Variants in C12orf54 observed in about 807,000 individuals in gnomAD.
C12orf54 encodes the protein uncharacterized protein C12orf54.
C12orf54 carries 24 observed loss-of-function variants against 26.4 expected under a neutral mutation model. The observed-to-expected ratio is 0.91, with a 90% CI of 0.66 to 1.28. C12orf54 has a LOEUF of 1.28. Ranked by LOEUF, C12orf54 falls within the 50% of genes most tolerant of loss-of-function variation. The pLI, the probability that C12orf54 is intolerant of heterozygous loss-of-function variation, is 0.00. For synonymous variants in C12orf54, 54 were observed against 47.0 expected, an observed-to-expected ratio of 1.15 and a Z score of -0.61; for missense variants, 154 against 150.9, an observed-to-expected ratio of 1.02 and a Z score of -0.11.
chr12:48,459,372 C>T, the C12orf54 span, among the ~76,000 whole-genome samples: 3 of 151,230 alleles, frequency 2.0e-5, no homozygotes, highest in Non-Finnish European at 2.9e-5. Flanking sequence ...AAGTGAGTGG[C>T]GGTGATGTGT....
chr12:48,448,823 C>A, the C12orf54 span, among the ~76,000 whole-genome samples: 2 of 152,130 alleles, frequency 1.3e-5, no homozygotes, highest in Non-Finnish European at 2.9e-5. Flanking sequence ...TATAAGTGAC[C>A]ATGGCCCATG....
At chr12:48,449,799 G>C in the C12orf54 span, among the ~76,000 whole-genome samples, 7 of 152,008 alleles carry the variant, frequency 4.6e-5, no homozygotes, top group African/African-American at 9.7e-5. Flanking sequence ...TGATTTGGCT[G>C]TGTCCCCACC....
chr12:48,417,244 C>T, the C12orf54 span: 1 of 152,292 alleles, frequency 6.6e-6, no homozygotes, highest in Non-Finnish European at 1.5e-5. Context: ...GAAGTAAACT[C>T]CCAGGAACAG....
chr12:48,456,250 A>G, the C12orf54 span, among the ~76,000 whole-genome samples: 1 of 152,188 alleles, frequency 6.6e-6, no homozygotes, highest in African/African-American at 2.4e-5. Flanking sequence ...AGACACTCAC[A>G]CTGTAATGAG....
intron 2 of C12orf54, among the ~76,000 whole-genome samples, chr12:48,485,878 A>T (rs1315366871): frequency 6.6e-6 from 1 of 152,216 alleles, no homozygotes; most frequent in Non-Finnish European, 1.5e-5. Flanking sequence ...GACATAAATT[A>T]GGCAGGCAGG....
the C12orf54 span, among the ~76,000 whole-genome samples, chr12:48,475,212 A>G: frequency 6.6e-6 from 1 of 152,278 alleles, no homozygotes; most frequent in Non-Finnish European, 1.5e-5. Flanking sequence ...AAAACTAACA[A>G]AGAGAAAGGA....
chr12:48,433,361 C>A, the C12orf54 span, among the ~76,000 whole-genome samples: 1 of 151,840 alleles, frequency 6.6e-6, no homozygotes, highest in Non-Finnish European at 1.5e-5. Context: ...GCAGTGGGAT[C>A]CCTCTGGTGA....
chr12:48,427,122 G>A, the C12orf54 span, among the ~76,000 whole-genome samples: 1 of 152,142 alleles, frequency 6.6e-6, no homozygotes, highest in Non-Finnish European at 1.5e-5. Context: ...ATGTTGAATA[G>A]GAGTGGTGAG....
At chr12:48,466,743 T>C in the C12orf54 span, among the ~76,000 whole-genome samples, 1 of 152,086 alleles carries the variant, frequency 6.6e-6, no homozygotes, top group Non-Finnish European at 1.5e-5. Flanking sequence ...GAATGTAAAA[T>C]GGTACTGCAA....
the C12orf54 span, among the ~76,000 whole-genome samples, chr12:48,419,369 G>A: frequency 6.6e-6 from 1 of 152,166 alleles, no homozygotes; most frequent in African/African-American, 2.4e-5. Flanking sequence ...AAAATGGCAT[G>A]TAACATCTCT....
chr12:48,476,204 T>C, the C12orf54 span, among the ~76,000 whole-genome samples: 14 of 151,886 alleles, frequency 9.2e-5, no homozygotes, highest in Non-Finnish European at 1.5e-4. Context: ...CTGAGAGATT[T>C]TGTCACCACC....
At chr12:48,421,058 T>C in the C12orf54 span, among the ~76,000 whole-genome samples, 2 of 152,228 alleles carry the variant, frequency 1.3e-5, no homozygotes, top group Non-Finnish European at 2.9e-5. Context: ...CAGGCACCTC[T>C]TCTAAGATAT....
chr12:48,444,049 G>A, the C12orf54 span, among the ~76,000 whole-genome samples: 11 of 152,296 alleles, frequency 7.2e-5, no homozygotes, highest in Non-Finnish European at 1.5e-4. Context: ...AGACTAATAA[G>A]TTTGAATATC....
At chr12:48,447,619 C>T in the C12orf54 span, among the ~76,000 whole-genome samples, 1 of 152,054 alleles carries the variant, frequency 6.6e-6, no homozygotes, top group Admixed American at 6.6e-5. Context: ...CATACATAAC[C>T]ACTATCCTAA....
chr12:48,465,699 G>A, the C12orf54 span, among the ~76,000 whole-genome samples: 14 of 152,066 alleles, frequency 9.2e-5, no homozygotes, highest in Non-Finnish European at 1.6e-4. Flanking sequence ...TAAAGAAAAT[G>A]TGGTACATAC....
the C12orf54 span, among the ~76,000 whole-genome samples, chr12:48,464,605 T>C: frequency 1.3e-5 from 2 of 152,140 alleles, no homozygotes; most frequent in Non-Finnish European, 2.9e-5. Context: ...AGTGCCCATA[T>C]AGCCAGGGCA....
the C12orf54 span, among the ~76,000 whole-genome samples, chr12:48,433,515 T>A: frequency 2.0e-5 from 3 of 150,684 alleles, no homozygotes; most frequent in African/African-American, 7.4e-5. Flanking sequence ...TGGCTCAATC[T>A]CGGCTCACTG....
the C12orf54 span, among the ~76,000 whole-genome samples, chr12:48,444,581 C>T: frequency 6.6e-6 from 1 of 152,300 alleles, no homozygotes; most frequent in South Asian, 2.1e-4. Flanking sequence ...AAAAATACTG[C>T]GTTAGCATTA....
chr12:48,421,405 G>C, the C12orf54 span, among the ~76,000 whole-genome samples: 5 of 151,396 alleles, frequency 3.3e-5, no homozygotes, highest in Non-Finnish European at 7.4e-5. Flanking sequence ...ACTGCCCCCA[G>C]GATCCAGTTA....
Sources: gnomAD v4.1 joint callset for allele counts (sites outside exome capture counted in the v4.1 genomes callset) on GRCh38, gnomAD v4.1.1 for gene constraint, MANE v1.5 for transcripts, NCBI Gene and HGNC (gene_info 2026-07-23, HGNC 2026-07-21) for gene names.